The following UNC5B variants were observed in gnomAD, a reference collection of about 807,000 sequenced individuals.
UNC5B encodes unc-5 netrin receptor B.
A neutral mutation model predicts 103.7 loss-of-function variants in UNC5B; 56 were observed. That is an observed-to-expected ratio of 0.54 (90% confidence interval 0.44 to 0.67). The LOEUF (loss-of-function observed/expected upper bound fraction) is 0.67, where lower values mean the gene tolerates loss of function less well. Among genes scored for constraint, UNC5B ranks in the 30% least tolerant of loss-of-function variants. The pLI is 0.00. For synonymous variants in UNC5B, 577 were observed against 542.0 expected (o/e 1.06, Z -0.90); for missense variants, 1,194 against 1,284.5 (o/e 0.93, Z 1.08).
intron 1 of UNC5B, among the ~76,000 whole-genome samples, chr10:71,272,279 C>T (rs1448209698): frequency 6.6e-6 from 1 of 152,156 alleles, no homozygotes; most frequent in East Asian, 1.9e-4. Context: ...CTGTCCTCAC[C>T]TCCCGCCTGA....
chr10:71,294,962 C>T lies in UNC5B; in HGVS notation c.2176-849C>T, dbSNP rs550507242. Among the ~76,000 whole-genome samples, 3 of 152,258 alleles carry T rather than the reference C, an allele frequency of 2.0e-5. No individual in the cohort carries two copies. In the East Asian group the frequency reaches 5.8e-4, roughly 29 times the overall value. Reference sequence around the variant, plus strand: ...ACAGACACTTGGCCGTGTGTGAGCCCCTTCCCCTCCCTCCTCCCATCTGCC... The same window carrying T: ...ACAGACACTTGGCCGTGTGTGAGCCTCTTCCCCTCCCTCCTCCCATCTGCC... On this transcript the variant is annotated intron_variant, in intron 13 of 16. Transcript: ENST00000335350.
chr10:71,298,658 T>C (rs2132319484), intron 16 of UNC5B, among the ~76,000 whole-genome samples: 1 of 152,160 alleles, frequency 6.6e-6, no homozygotes, highest in East Asian at 1.9e-4. Context: ...TTACTAGAAA[T>C]GAATAGGACT....
chr10:71,267,197 A>G (rs575028071), intron 1 of UNC5B, among the ~76,000 whole-genome samples: 3 of 152,314 alleles, frequency 2.0e-5, no homozygotes, highest in African/African-American at 7.2e-5. Flanking sequence ...TGTCAGTCAA[A>G]GCAAGTAAAA....
intron 1 of UNC5B, among the ~76,000 whole-genome samples, chr10:71,263,077 A>G (rs1365596201): frequency 6.6e-6 from 1 of 152,184 alleles, no homozygotes; most frequent in Non-Finnish European, 1.5e-5. Context: ...TTAGCCAGGT[A>G]GGGGTGGGAA....
At position 71,298,030 on chromosome 10, in the gene UNC5B, A is replaced by T. The variant is rs771776658; in HGVS notation, c.2612A>T (p.Asp871Val). The stretch of plus-strand genomic sequence containing the variant: ...CGCCAGAAGATATGCAACAGCCTAG[A>T]TGCCCCCAACTCACGGGGCAATGAC... ...SIRQKICNSL[D>V]APNSRGNDWR... The change falls in exon 16 of 17, where the codon GAT (aspartate) becomes GTT (valine). Residue 871 changes from aspartate to valine, a missense_variant. Asp to Val is a radical substitution (Grantham distance 152, BLOSUM62 -3). Transcript: ENST00000335350. 1 of 1,613,864 alleles carries T rather than the reference A, an allele frequency of 6.2e-7. No homozygotes were observed. The highest frequency in any genetic ancestry group is 1.1e-5 in the South Asian group (1 of 91,024).
chr10:71,248,743 C>T lies in UNC5B; in HGVS notation c.80-31078C>T, dbSNP rs577084841. Among the ~76,000 whole-genome samples the T allele has an allele frequency of 4.6e-5, 7 of 152,118 alleles. No individual in the cohort carries two copies. The South Asian group carries it at 1.2e-3, about 27-fold the overall frequency. Reference sequence around the variant, plus strand: ...TTTTACACAGACCTGTGTACATGCTCAGGGGTACACAGCAGAGGATGCCTG... The same window carrying T: ...TTTTACACAGACCTGTGTACATGCTTAGGGGTACACAGCAGAGGATGCCTG... On this transcript the variant is annotated intron_variant, in intron 1 of 16. Coordinates refer to ENST00000335350, the MANE Select transcript of UNC5B (RefSeq NM_170744.5).
In UNC5B at chr10:71,299,500, C is replaced by A; in HGVS notation, c.*223C>A. ...AGTTCCTTCTCCACCCCCGCTCTCT[C>A]TCTCTTGGCCTGAGATCTCTGTGCA... On this transcript the variant is annotated 3_prime_UTR_variant, in exon 17 of 17. Coordinates refer to ENST00000335350, the MANE Select transcript of UNC5B (RefSeq NM_170744.5). 1 of 534,996 alleles carries A rather than the reference C, an allele frequency of 1.9e-6. No homozygotes were observed. The highest frequency in any genetic ancestry group is 3.3e-6 in the Non-Finnish European group (1 of 302,992). 33.1% of individuals were successfully genotyped at this position (534,996 alleles called of 1,614,324 possible).
At chr10:71,283,448 G>A (rs974889304) in intron 2 of UNC5B, among the ~76,000 whole-genome samples, 1 of 152,196 alleles carries the variant, frequency 6.6e-6, no homozygotes, top group South Asian at 2.1e-4. Context: ...CCCAGCTGGG[G>A]TTTGAGGGTG....
chr10:71,285,167 A>G (rs7350453), intron 3 of UNC5B, among the ~76,000 whole-genome samples, 159 bp from the exon 4 acceptor site: 140,917 of 152,146 alleles, frequency 0.93, 65,307 homozygotes, highest in Middle Eastern at 0.98. Flanking sequence ...GCCTAGTGAG[A>G]CCCCTCCTTT....
chr10:71,266,071 C>G (rs2132285725), intron 1 of UNC5B, among the ~76,000 whole-genome samples: 1 of 152,240 alleles, frequency 6.6e-6, no homozygotes, highest in African/African-American at 2.4e-5. Flanking sequence ...TGCTTCTATC[C>G]TTTCTTTTTT....
At chr10:71,294,605 G>A (rs1327709345) in intron 13 of UNC5B, among the ~76,000 whole-genome samples, 1 of 152,100 alleles carries the variant, frequency 6.6e-6, no homozygotes, top group Non-Finnish European at 1.5e-5. Flanking sequence ...TGGATGCTGC[G>A]TGTGCTCAGT....
At chr10:71,231,501 G>A (rs1843682179) in intron 1 of UNC5B, among the ~76,000 whole-genome samples, 2 of 152,284 alleles carry the variant, frequency 1.3e-5, no homozygotes, top group Admixed American at 1.3e-4. Context: ...ACAGACTTAT[G>A]TGTTGACTCC....
chr10:71,279,794 T>C (rs1844869548), intron 1 of UNC5B, 27 bp from the exon 2 acceptor site: 9 of 1,603,816 alleles, frequency 5.6e-6, no homozygotes, highest in South Asian at 3.3e-5. Context: ...GCACACAGCC[T>C]CATGGAGGTC....
At chr10:71,216,895 C>G (rs527545444) in intron 1 of UNC5B, among the ~76,000 whole-genome samples, 5 of 152,366 alleles carry the variant, frequency 3.3e-5, no homozygotes, top group African/African-American at 1.2e-4. Context: ...TGGTACCTCC[C>G]TCCCCCAGGG....
rs777236745 is a variant in UNC5B, at chr10:71,299,186, A to T, written c.2747A>T (p.Asp916Val). ...GACCTCTGGGAAGCTCTGCAGCAGG[A>T]CGATGGGGACCTCAACAGCCTGGCG... ...ILDLWEALQQ[D>V]DGDLNSLASA... Residue 916 changes from aspartate to valine, a missense_variant, in exon 17 of 17, where the codon GAC (aspartate) becomes GTC (valine). Coordinates refer to ENST00000335350, the MANE Select transcript of UNC5B (RefSeq NM_170744.5). 6.8e-6 allele frequency: 11 copies of T among 1,614,244 alleles called. No individual in the cohort carries two copies. The Admixed American group carries it at 1.8e-4, about 27-fold the overall frequency.
intron 1 of UNC5B, among the ~76,000 whole-genome samples, chr10:71,278,921 A>G (rs1245122415): frequency 1.3e-5 from 2 of 152,224 alleles, no homozygotes; most frequent in Non-Finnish European, 2.9e-5. Flanking sequence ...CCAGCAGGTC[A>G]ATGGCCTGGT....
At chr10:71,221,598 T>G (rs912148178) in intron 1 of UNC5B, among the ~76,000 whole-genome samples, 2 of 152,218 alleles carry the variant, frequency 1.3e-5, no homozygotes, top group Non-Finnish European at 2.9e-5. Flanking sequence ...GCCTGACTCT[T>G]GAAGAACTGA....
At position 71,213,728 on chromosome 10, in the gene UNC5B, A is replaced by AGTGTGTGTGTGTGTGT. The variant is rs58235566; in HGVS notation, c.79+683_79+698dup. Reference sequence around the variant, plus strand: ...ATTATTAATTTTCTGAGTGTTGGAGAGTGTGTGTGTGTGTGTGTGTGTGTG... The same window carrying AGTGTGTGTGTGTGTGT: ...ATTATTAATTTTCTGAGTGTTGGAGAGTGTGTGTGTGTGTGTGTGTGTGTGTGTGTGTGTGTGTGTG... On this transcript the variant is annotated intron_variant, in intron 1 of 16. Transcript: ENST00000335350. This position sits in a 1 kb window ranked among gnomAD's most constrained non-coding sequence, Gnocchi z 4.1. 0.011 allele frequency among the ~76,000 whole-genome samples: 1,442 copies of AGTGTGTGTGTGTGTGT among 131,424 alleles called. 27 individuals are homozygous for AGTGTGTGTGTGTGTGT. Among genetic ancestry groups the AGTGTGTGTGTGTGTGT allele is most frequent in the African/African-American group, 0.027 (913 of 34,230 alleles). 86.2% of individuals were successfully genotyped at this position (131,424 alleles called of 152,430 possible).
At chr10:71,231,629 G>A (rs1387207766) in intron 1 of UNC5B, among the ~76,000 whole-genome samples, 2 of 152,122 alleles carry the variant, frequency 1.3e-5, no homozygotes, top group South Asian at 2.1e-4. Flanking sequence ...AACCACAATC[G>A]TACGTAAAAA....
Sources: allele counts gnomAD v4.1 joint callset (sites outside exome capture counted in the v4.1 genomes callset), GRCh38; gene constraint gnomAD v4.1.1; non-coding constraint Gnocchi (gnomAD v3.1); transcripts MANE v1.5; gene names NCBI Gene and HGNC (gene_info 2026-07-23, HGNC 2026-07-21).